Variants in SNX9 observed in about 807,000 individuals in gnomAD.
SNX9 encodes the protein sorting nexin-9.
In SNX9, 44 loss-of-function variants were observed where a neutral mutation model predicts 89.4. The observed-to-expected ratio is 0.49, with a 90% CI of 0.39 to 0.63. The LOEUF is 0.63. Among genes scored for constraint, SNX9 ranks in the 30% least tolerant of loss-of-function variants. The pLI, the probability that SNX9 is intolerant of heterozygous loss-of-function variation, is 0.00. For missense variants in SNX9, 578 were observed against 736.1 expected (o/e 0.79, Z 2.49); for synonymous variants, 236 against 247.8 (o/e 0.95, Z 0.45).
At chr6:157,872,916 G>A (rs1351305614) in intron 2 of SNX9, 186 bp from the exon 3 acceptor site, 1 of 446,486 alleles carries the variant, frequency 2.2e-6, no homozygotes, top group Non-Finnish European at 3.9e-6. Context: ...CTTGTTTTTA[G>A]GTTACATCAT....
chr6:157,854,795 T>C (rs1781977532), intron 1 of SNX9, among the ~76,000 whole-genome samples: 1 of 152,226 alleles, frequency 6.6e-6, no homozygotes, highest in Admixed American at 6.5e-5. Context: ...ATCTGCTTTT[T>C]AGTTACACTT....
At chr6:157,852,145 T>C (rs1781927102) in intron 1 of SNX9, among the ~76,000 whole-genome samples, 1 of 152,236 alleles carries the variant, frequency 6.6e-6, no homozygotes, top group African/African-American at 2.4e-5. Context: ...CTGGATCATA[T>C]GGTAATTCCG....
intron 1 of SNX9, among the ~76,000 whole-genome samples, chr6:157,828,006 A>G (rs1467845290): frequency 6.6e-6 from 1 of 152,120 alleles, no homozygotes; most frequent in East Asian, 1.9e-4. Context: ...TGTTTATTCC[A>G]TGCATAGATT....
intron 4 of SNX9, among the ~76,000 whole-genome samples, chr6:157,881,242 G>C (rs1039772296): frequency 1.3e-5 from 2 of 152,156 alleles, no homozygotes; most frequent in African/African-American, 4.8e-5. Context: ...GATGATTCAT[G>C]ATGAGTGATC....
intron 4 of SNX9, among the ~76,000 whole-genome samples, chr6:157,890,531 G>A (rs1782836048): frequency 6.6e-6 from 1 of 152,244 alleles, no homozygotes; most frequent in Non-Finnish European, 1.5e-5. Context: ...TTTAGCTGGG[G>A]TGGGAGTTAG....
chr6:157,917,213 C>T (rs757693622), intron 9 of SNX9, among the ~76,000 whole-genome samples: 5 of 151,118 alleles, frequency 3.3e-5, no homozygotes, highest in Non-Finnish European at 5.9e-5. Flanking sequence ...GATGTTAGGT[C>T]TACTCCTTCA....
intron 9 of SNX9, among the ~76,000 whole-genome samples, chr6:157,911,453 C>G (rs1273249555): frequency 6.6e-6 from 1 of 152,234 alleles, no homozygotes; most frequent in African/African-American, 2.4e-5. Context: ...TGCGACCCTT[C>G]ACAGCCAGGT....
intron 14 of SNX9, among the ~76,000 whole-genome samples, chr6:157,936,829 A>T (rs9456882): frequency 0.041 from 6,230 of 152,260 alleles, 452 homozygotes; most frequent in East Asian, 0.29. Context: ...TAGATAACAG[A>T]TAATAAGTTC....
intron 1 of SNX9, among the ~76,000 whole-genome samples, chr6:157,860,227 C>T (rs77052819): frequency 0.03 from 4,564 of 152,000 alleles, 102 homozygotes; most frequent in Non-Finnish European, 0.049. Flanking sequence ...AGTGAGATCT[C>T]GTCTCTTTAA....
rs761073772 is a variant in SNX9, at chr6:157,875,015, T to A, written c.175-36T>A. ...CGAAGACTCCCTGAAGTGACCGTAA[T>A]CTATGAAAATAATTGCGGCTCTTTC... is the stretch of plus-strand genomic sequence containing the variant. On this transcript the variant is annotated intron_variant, in intron 3 of 17. Coordinates refer to ENST00000392185, the MANE Select transcript of SNX9 (RefSeq NM_016224.5). The A allele has an allele frequency of 1.1e-5, 18 of 1,610,784 alleles. No homozygotes were observed. In the East Asian group the frequency reaches 4.0e-4, roughly 36 times the overall value.
chr6:157,894,984 A>G lies in SNX9; in HGVS notation c.301-1843A>G, dbSNP rs1016880202. On this transcript the variant is annotated intron_variant, in intron 4 of 17. Transcript: ENST00000392185. ...GTGTGTGCTGAAGATGAAGGGACAC[A>G]TTGGGTTTTATGCCTCACAGGGCCT... 2.5e-4 allele frequency among the ~76,000 whole-genome samples: 38 copies of G among 152,316 alleles called. No individual in the cohort carries two copies. In the East Asian group the frequency reaches 2.7e-3, roughly 11 times the overall value.
intron 9 of SNX9, among the ~76,000 whole-genome samples, chr6:157,910,851 T>C (rs1334066324): frequency 6.6e-6 from 1 of 152,164 alleles, no homozygotes; most frequent in Non-Finnish European, 1.5e-5. Context: ...AAAGGTTGTG[T>C]GCCAGGTGCA....
intron 4 of SNX9, among the ~76,000 whole-genome samples, chr6:157,883,108 G>A (rs897132574): frequency 2.6e-5 from 4 of 152,110 alleles, no homozygotes; most frequent in Non-Finnish European, 5.9e-5. Context: ...CAGCAGTCAT[G>A]AACATCAAAA....
intron 4 of SNX9, among the ~76,000 whole-genome samples, chr6:157,882,729 A>G (rs903990736): frequency 6.6e-6 from 1 of 152,228 alleles, no homozygotes; most frequent in Non-Finnish European, 1.5e-5. Flanking sequence ...GAGCCTGAAG[A>G]TGTGACTGAA....
At chr6:157,851,710 C>T (rs1245496366) in intron 1 of SNX9, among the ~76,000 whole-genome samples, 1 of 152,198 alleles carries the variant, frequency 6.6e-6, no homozygotes, top group East Asian at 1.9e-4. Flanking sequence ...CTGCCTCAGC[C>T]TCCCGAGTAG....
At chr6:157,886,175 C>G (rs772592941) in intron 4 of SNX9, among the ~76,000 whole-genome samples, 12 of 152,046 alleles carry the variant, frequency 7.9e-5, no homozygotes, top group Non-Finnish European at 1.6e-4. Context: ...CAGGTCTAAC[C>G]ATGTCATCCA....
rs1781277899 is a variant in SNX9 at position 157,823,492 on chromosome 6, G to A, written c.12+46G>A. 2 of 1,173,788 alleles carry A rather than the reference G, an allele frequency of 1.7e-6. No homozygotes were observed. Among genetic ancestry groups the A allele is most frequent in the Non-Finnish European group, 2.1e-6 (2 of 952,286 alleles). 72.7% of individuals were successfully genotyped at this position (1,173,788 alleles called of 1,614,324 possible). On this transcript the variant is annotated intron_variant, in intron 1 of 17. Coordinates refer to ENST00000392185, the MANE Select transcript of SNX9 (RefSeq NM_016224.5). The surrounding 1 kb of genome is among the most constrained non-coding windows in gnomAD (Gnocchi z 4.6). Reference sequence around the variant, plus strand: ...GCCGGGCCGGTCGCTCAGGCCCGGGGCGGCGCGGAGAGGGTCGGGGCCGGG... The same window carrying A: ...GCCGGGCCGGTCGCTCAGGCCCGGGACGGCGCGGAGAGGGTCGGGGCCGGG...
chr6:157,875,197 C>CT, intron 4 of SNX9, 21 bp downstream of exon 4: 1 of 1,594,848 alleles, frequency 6.3e-7, no homozygotes, highest in African/African-American at 1.3e-5. Flanking sequence ...CTTCCTCCTT[C>CT]TGGATGTGGC....
At chr6:157,903,148 T>C (rs1433981058) in intron 6 of SNX9, among the ~76,000 whole-genome samples, 1 of 152,242 alleles carries the variant, frequency 6.6e-6, no homozygotes, top group East Asian at 1.9e-4. Flanking sequence ...CAAGTACTCC[T>C]TCCAGCAGTT....
Sources: gnomAD v4.1 joint callset for allele counts (sites outside exome capture counted in the v4.1 genomes callset) on GRCh38, gnomAD v4.1.1 for gene constraint, Gnocchi (gnomAD v3.1) non-coding constraint, MANE v1.5 for transcripts, NCBI Gene and HGNC (gene_info 2026-07-23, HGNC 2026-07-21) for gene names.